CADM2: variants seen among roughly 807,000 people sequenced by gnomAD.
CADM2 encodes the protein cell adhesion molecule 2.
CADM2 carries 12 observed loss-of-function variants against 49.8 expected under a neutral mutation model. That is an observed-to-expected ratio of 0.24 (90% CI 0.15 to 0.39). The LOEUF is 0.39. CADM2 is among the 10% of genes least tolerant of loss of function. CADM2 has a pLI of 1.00. For synonymous variants in CADM2, 214 were observed against 175.4 expected (o/e 1.22, Z -1.74); for missense variants, 378 against 492.3 (o/e 0.77, Z 2.20).
Position 85,883,449 on chromosome 3 carries a change from T to C in CADM2, c.391+6T>C. The C allele has an allele frequency of 6.2e-7, 1 of 1,611,922 alleles. No homozygotes were observed. Among genetic ancestry groups the C allele is most frequent in the Non-Finnish European group, 8.5e-7 (1 of 1,178,460 alleles). ...GGCATATCTCACCGTTCTGGGTAAG[T>C]GCAAGGGACTAACACCATGTAATCA... On this transcript the variant is annotated splice_donor_region_variant and intron_variant, in intron 4 of 9. Coordinates refer to ENST00000383699, the MANE Select transcript of CADM2 (RefSeq NM_001167675.2).
intron 1 of CADM2, among the ~76,000 whole-genome samples, chr3:85,342,245 A>G (rs2029933758): frequency 6.6e-6 from 1 of 152,168 alleles, no homozygotes; most frequent in South Asian, 2.1e-4. Context: ...TTATGCAGCC[A>G]ACAGACATAT....
At chr3:85,437,162 T>C (rs2036970704) in intron 1 of CADM2, among the ~76,000 whole-genome samples, 1 of 152,178 alleles carries the variant, frequency 6.6e-6, no homozygotes, top group Non-Finnish European at 1.5e-5. Flanking sequence ...TTCCTCTATG[T>C]CTTTTCATGC....
At chr3:85,468,527 A>G (rs1373418848) in intron 1 of CADM2, among the ~76,000 whole-genome samples, 1 of 152,184 alleles carries the variant, frequency 6.6e-6, no homozygotes, top group Non-Finnish European at 1.5e-5. Flanking sequence ...TATAGTTCAC[A>G]TTTATTTCAA....
At chr3:85,979,375 T>A (rs1727198257) in intron 8 of CADM2, 2 of 1,422,574 alleles carry the variant, frequency 1.4e-6, no homozygotes, top group Admixed American at 4.1e-5. Flanking sequence ...GAGATTCAAT[T>A]TTACTTAATT....
chr3:85,428,717 C>T (rs556816305), intron 1 of CADM2, among the ~76,000 whole-genome samples: 161 of 146,968 alleles, frequency 1.1e-3, no homozygotes, highest in Non-Finnish European at 2.0e-3. Context: ...TACATATTCC[C>T]ATAGGTGAAT....
chr3:86,022,169 C>T (rs961734969), intron 8 of CADM2, among the ~76,000 whole-genome samples: 1 of 152,054 alleles, frequency 6.6e-6, no homozygotes, highest in South Asian at 2.1e-4. Flanking sequence ...TTTACAAATA[C>T]ACATAATTGT....
chr3:85,884,247 T>C (rs1713242283), intron 4 of CADM2, among the ~76,000 whole-genome samples: 1 of 152,192 alleles, frequency 6.6e-6, no homozygotes, highest in Non-Finnish European at 1.5e-5. Flanking sequence ...ATTGATTTTT[T>C]TCCCCCAAGC....
At chr3:85,736,942 G>T (rs1241333554) in intron 2 of CADM2, among the ~76,000 whole-genome samples, 2 of 152,150 alleles carry the variant, frequency 1.3e-5, no homozygotes, top group Admixed American at 1.3e-4. Flanking sequence ...CACGAGAATA[G>T]AAATTCCTTT....
chr3:85,822,376 G>A (rs904222693), intron 3 of CADM2, among the ~76,000 whole-genome samples: 1 of 152,038 alleles, frequency 6.6e-6, no homozygotes, highest in African/African-American at 2.4e-5. Context: ...TTGAGGTCAG[G>A]AGTTCAAGAC....
intron 3 of CADM2, among the ~76,000 whole-genome samples, chr3:85,841,193 T>C (rs568230042): frequency 6.6e-6 from 1 of 151,990 alleles, no homozygotes; most frequent in Admixed American, 6.6e-5. Flanking sequence ...ATTTCAAAAC[T>C]TAAAATTGAA....
At chr3:85,585,593 T>A (rs2062920732) in intron 1 of CADM2, among the ~76,000 whole-genome samples, 1 of 152,010 alleles carries the variant, frequency 6.6e-6, no homozygotes, top group Non-Finnish European at 1.5e-5. Context: ...TCTGCACTTT[T>A]AGGCATCCAC....
intron 1 of CADM2, among the ~76,000 whole-genome samples, chr3:85,466,170 C>T (rs925353791): frequency 2.5e-4 from 38 of 152,186 alleles, no homozygotes; most frequent in African/African-American, 8.7e-4. Context: ...AAGCAGGTAG[C>T]AGTAGTTTTC....
chr3:85,257,476 CA>C (rs1238563177), intron 1 of CADM2, among the ~76,000 whole-genome samples: 1 of 152,066 alleles, frequency 6.6e-6, no homozygotes, highest in Non-Finnish European at 1.5e-5. Flanking sequence ...AGATAAATCT[CA>C]AAAAGTAGCC....
intron 1 of CADM2, among the ~76,000 whole-genome samples, chr3:85,284,275 A>G (rs561479517): frequency 6.6e-6 from 1 of 152,112 alleles, no homozygotes; most frequent in Non-Finnish European, 1.5e-5. Flanking sequence ...ATTCAGCACT[A>G]AATAGTTATT....
intron 1 of CADM2, among the ~76,000 whole-genome samples, chr3:85,703,487 T>C (rs2066846751): frequency 6.6e-6 from 1 of 152,188 alleles, no homozygotes; most frequent in South Asian, 2.1e-4. Context: ...AAATGATTTA[T>C]AAACATGTTT....
At chr3:85,647,768 A>T (rs1417648699) in intron 1 of CADM2, among the ~76,000 whole-genome samples, 1 of 151,710 alleles carries the variant, frequency 6.6e-6, no homozygotes, top group Admixed American at 6.6e-5. Flanking sequence ...ACCCCTTATT[A>T]AAAAAATGAA....
At chr3:85,416,937 T>C (rs1349139248) in intron 1 of CADM2, among the ~76,000 whole-genome samples, 3 of 152,180 alleles carry the variant, frequency 2.0e-5, no homozygotes, top group African/African-American at 4.8e-5. Flanking sequence ...GGTGAATCTT[T>C]ATTTTTGACT....
At chr3:85,589,963 C>G (rs1411009481) in intron 1 of CADM2, among the ~76,000 whole-genome samples, 1 of 151,886 alleles carries the variant, frequency 6.6e-6, no homozygotes. Flanking sequence ...ATTTCTATGA[C>G]TAGGTATAAG....
At chr3:85,846,972 G>A (rs1041270821) in intron 3 of CADM2, among the ~76,000 whole-genome samples, 6 of 152,152 alleles carry the variant, frequency 3.9e-5, no homozygotes, top group African/African-American at 1.4e-4. Context: ...GATTAAGATG[G>A]TATCTGCTTA....
Sources: allele counts gnomAD v4.1 joint callset (sites outside exome capture counted in the v4.1 genomes callset), GRCh38; gene constraint gnomAD v4.1.1; transcripts MANE v1.5; gene names NCBI Gene and HGNC (gene_info 2026-07-23, HGNC 2026-07-21).